LGSN: variants seen among roughly 807,000 people sequenced by gnomAD.
The protein encoded by LGSN is lengsin, lens protein with glutamine synthetase domain, also known as lengsin.
In LGSN, 21 loss-of-function variants were observed where a neutral mutation model predicts 19.5. That is an observed-to-expected ratio of 1.07 (90% CI 0.76 to 1.55). The LOEUF is 1.55. LGSN is among the 40% of genes most tolerant of loss of function. LGSN has a pLI of 0.00. For missense variants in LGSN, 673 were observed against 608.5 expected, an observed-to-expected ratio of 1.11 and a Z score of -1.12; for synonymous variants, 257 against 215.6, an observed-to-expected ratio of 1.19 and a Z score of -1.68.
intron 3 of LGSN, among the ~76,000 whole-genome samples, chr6:63,282,801 G>GCA (rs146343157): frequency 1.7e-4 from 25 of 150,578 alleles, no homozygotes; most frequent in South Asian, 4.2e-4. Flanking sequence ...TTATACACAC[G>GCA]CACACACACA....
the LGSN span, among the ~76,000 whole-genome samples, chr6:63,402,086 CAAGGTG>C: frequency 6.6e-6 from 1 of 152,222 alleles, no homozygotes; most frequent in East Asian, 1.9e-4. Context: ...ATGAGAGTGA[CAAGGTG>C]AAGGTGGATG....
the LGSN span, among the ~76,000 whole-genome samples, chr6:63,401,185 G>A: frequency 4.3e-4 from 65 of 151,354 alleles, no homozygotes; most frequent in African/African-American, 1.4e-3. Context: ...TTTCAGCACA[G>A]GATTTCAAAC....
the LGSN span, among the ~76,000 whole-genome samples, chr6:63,529,472 C>T: frequency 6.6e-6 from 1 of 152,138 alleles, no homozygotes; most frequent in African/African-American, 2.4e-5. Context: ...CCTGCTCCTC[C>T]TCCTTCACCC....
the LGSN span, among the ~76,000 whole-genome samples, chr6:63,488,606 A>G: frequency 1.3e-5 from 2 of 152,164 alleles, no homozygotes; most frequent in African/African-American, 4.8e-5. Flanking sequence ...ATGGAATTAG[A>G]GGTGTGAATT....
chr6:63,356,762 C>T, the LGSN span, among the ~76,000 whole-genome samples: 2 of 152,056 alleles, frequency 1.3e-5, no homozygotes, highest in South Asian at 4.1e-4. Context: ...AAAACTGCAA[C>T]ATGACCAATT....
At chr6:63,507,998 C>A in the LGSN span, among the ~76,000 whole-genome samples, 1 of 152,122 alleles carries the variant, frequency 6.6e-6, no homozygotes, top group African/African-American at 2.4e-5. Flanking sequence ...AAAATACCAC[C>A]ACACTATTTA....
chr6:63,514,632 A>C, the LGSN span, among the ~76,000 whole-genome samples: 2 of 152,224 alleles, frequency 1.3e-5, no homozygotes, highest in African/African-American at 2.4e-5. Context: ...TCAAATCATT[A>C]AACCTTGTCA....
the LGSN span, among the ~76,000 whole-genome samples, chr6:63,374,850 G>A: frequency 6.6e-6 from 1 of 152,110 alleles, no homozygotes; most frequent in Admixed American, 6.6e-5. Context: ...TATTACATGT[G>A]CTACTCCTGA....
At chr6:63,542,294 A>T in the LGSN span, among the ~76,000 whole-genome samples, 1 of 152,046 alleles carries the variant, frequency 6.6e-6, no homozygotes, top group Non-Finnish European at 1.5e-5. Flanking sequence ...GAAGAGGGTG[A>T]GGGATGAAAG....
chr6:63,463,635 A>G, the LGSN span, among the ~76,000 whole-genome samples: 1 of 152,192 alleles, frequency 6.6e-6, no homozygotes, highest in Non-Finnish European at 1.5e-5. Flanking sequence ...TGGCATATTT[A>G]TGAGGCATGA....
At chr6:63,342,531 A>G in the LGSN span, among the ~76,000 whole-genome samples, 19 of 152,364 alleles carry the variant, frequency 1.2e-4, no homozygotes, top group African/African-American at 4.1e-4. Flanking sequence ...CTTTATGTCT[A>G]TAAAGAAAAT....
At chr6:63,389,997 C>T in the LGSN span, among the ~76,000 whole-genome samples, 1 of 151,638 alleles carries the variant, frequency 6.6e-6, no homozygotes, top group Non-Finnish European at 1.5e-5. Flanking sequence ...AGAAAACACA[C>T]CTTTTGTGAA....
chr6:63,531,787 A>T, the LGSN span, among the ~76,000 whole-genome samples: 1 of 151,746 alleles, frequency 6.6e-6, no homozygotes, highest in Non-Finnish European at 1.5e-5. Context: ...CACCATGTCC[A>T]GCCTCCCATA....
At chr6:63,526,535 C>T in the LGSN span, among the ~76,000 whole-genome samples, 7,363 of 151,736 alleles carry the variant, frequency 0.049, 420 homozygotes, top group African/African-American at 0.14. Context: ...TTAGGCCAGG[C>T]GCAGTGGCTC....
the LGSN span, among the ~76,000 whole-genome samples, chr6:63,348,566 C>T: frequency 6.6e-6 from 1 of 152,050 alleles, no homozygotes; most frequent in African/African-American, 2.4e-5. Flanking sequence ...GTTAACGGCT[C>T]AACAAATATT....
chr6:63,475,589 G>A, the LGSN span, among the ~76,000 whole-genome samples: 3 of 152,150 alleles, frequency 2.0e-5, no homozygotes, highest in Admixed American at 2.0e-4. Flanking sequence ...CATTAAAGAG[G>A]TATTCGAAAT....
the LGSN span, among the ~76,000 whole-genome samples, chr6:63,446,705 G>A: frequency 6.6e-6 from 1 of 152,154 alleles, no homozygotes; most frequent in Non-Finnish European, 1.5e-5. Context: ...CTGTTAAGTT[G>A]ATGTGAGTTG....
intron 1 of LGSN, among the ~76,000 whole-genome samples, chr6:63,303,114 G>C (rs1443351149): frequency 6.6e-6 from 1 of 152,074 alleles, no homozygotes; most frequent in Non-Finnish European, 1.5e-5. Flanking sequence ...AAATATACTG[G>C]TGTCATGACT....
At chr6:63,374,940 GA>G in the LGSN span, among the ~76,000 whole-genome samples, 1,296 of 148,458 alleles carry the variant, frequency 8.7e-3, 22 homozygotes, top group African/African-American at 0.03. Flanking sequence ...CTGGAAAAGA[GA>G]AAAAAAAAAG....
Sources: gnomAD v4.1 joint callset for allele counts (sites outside exome capture counted in the v4.1 genomes callset) on GRCh38, gnomAD v4.1.1 for gene constraint, MANE v1.5 for transcripts, NCBI Gene and HGNC (gene_info 2026-07-23, HGNC 2026-07-21) for gene names.